The following ABCA12 variants were observed in gnomAD, a reference collection of about 807,000 sequenced individuals.
ABCA12 encodes glucosylceramide transporter ABCA12.
A neutral mutation model predicts 293.5 loss-of-function variants in ABCA12; 156 were observed. The observed-to-expected ratio is 0.53, with a 90% CI of 0.47 to 0.61. The LOEUF (loss-of-function observed/expected upper bound fraction) is 0.61. ABCA12 is among the 20% of genes least tolerant of loss of function. The pLI is 0.00. For missense variants in ABCA12, 2,797 were observed against 3,090.2 expected, an observed-to-expected ratio of 0.91 and a Z score of 2.25; for synonymous variants, 1,063 against 1,108.0, an observed-to-expected ratio of 0.96 and a Z score of 0.81.
intron 39 of ABCA12, 63 bp downstream of exon 39, chr2:214,966,785 G>A (rs1037901263): frequency 2.8e-6 from 4 of 1,443,468 alleles, no homozygotes; most frequent in African/African-American, 2.8e-5. Context: ...GATATAAAGT[G>A]CATTTTTATA....
chr2:215,110,760 T>C (rs1702556498), intron 2 of ABCA12, among the ~76,000 whole-genome samples: 1 of 152,216 alleles, frequency 6.6e-6, no homozygotes, highest in African/African-American at 2.4e-5. Flanking sequence ...TAATTCAGGA[T>C]TGTCTTCTTT....
intron 50 of ABCA12, 21 bp downstream of exon 50, chr2:214,942,904 A>C (rs1461319934): frequency 6.3e-7 from 1 of 1,598,236 alleles, no homozygotes; most frequent in Admixed American, 1.7e-5. Context: ...CTATCTGTTA[A>C]GCAATGCATT....
intron 37 of ABCA12, 106 bp downstream of exon 37, chr2:214,970,167 C>A: frequency 8.8e-7 from 1 of 1,138,446 alleles, no homozygotes; most frequent in Non-Finnish European, 1.2e-6. Context: ...GAGAATTTAA[C>A]CATGTAAAAT....
chr2:215,022,346 C>T (rs1700648867), intron 11 of ABCA12: 1 of 152,148 alleles, frequency 6.6e-6, no homozygotes, highest in South Asian at 2.1e-4. Flanking sequence ...AGGCTTGGTT[C>T]TCTGAAATAA....
In ABCA12 at chr2:215,019,524, C is replaced by A. The variant is rs770335368; in HGVS notation, c.1544+16G>T. 1.2e-6 allele frequency: 2 copies of A among 1,614,134 alleles called. No individual in the cohort carries two copies. Among genetic ancestry groups the A allele is most frequent in the Non-Finnish European group, 1.7e-6 (2 of 1,179,990 alleles). ...AAAGAGATTTCACCAAGGAAGAAGA[C>A]AATGGAAAAACTTACTGATCCATAT... is the stretch of plus-strand genomic sequence containing the variant. On this transcript the variant is annotated intron_variant, in intron 12 of 52. Transcript: ENST00000272895.
intron 2 of ABCA12, among the ~76,000 whole-genome samples, chr2:215,096,890 A>G (rs1212008804): frequency 6.6e-6 from 1 of 152,034 alleles, no homozygotes; most frequent in Non-Finnish European, 1.5e-5. Context: ...GTCTAATTTT[A>G]TAGATTCAAA....
chr2:215,086,955 A>ATTATTATTATTT (rs1702052992), intron 2 of ABCA12, among the ~76,000 whole-genome samples: 1 of 150,158 alleles, frequency 6.7e-6, no homozygotes, highest in African/African-American at 2.5e-5. Context: ...TATTATTATT[A>ATTATTATTATTT]TTTTATGACA....
At chr2:214,960,949 GA>G (rs1699095208) in intron 39 of ABCA12, among the ~76,000 whole-genome samples, 1 of 152,054 alleles carries the variant, frequency 6.6e-6, no homozygotes, top group Admixed American at 6.6e-5. Context: ...CTAATTAAAA[GA>G]TTTTTATTAG....
chr2:215,083,783 C>T (rs946844457), intron 2 of ABCA12, among the ~76,000 whole-genome samples: 5 of 152,140 alleles, frequency 3.3e-5, no homozygotes, highest in Non-Finnish European at 7.3e-5. Flanking sequence ...ATTCAATTCA[C>T]TGAAAAGCTA....
intron 3 of ABCA12, 91 bp downstream of exon 3, chr2:215,063,975 T>C: frequency 1.3e-6 from 2 of 1,540,772 alleles, no homozygotes; most frequent in East Asian, 2.3e-5. Context: ...CAAAATTGCA[T>C]ATCTAAGCTT....
chr2:215,059,361 A>G (rs1394038163), intron 3 of ABCA12, among the ~76,000 whole-genome samples: 1 of 152,082 alleles, frequency 6.6e-6, no homozygotes, highest in Non-Finnish European at 1.5e-5. Context: ...AGTCACCCAC[A>G]GGAGAATTTT....
chr2:214,970,233 T>A, intron 37 of ABCA12, 40 bp downstream of exon 37: 2 of 1,579,786 alleles, frequency 1.3e-6, no homozygotes, highest in Admixed American at 1.8e-5. Context: ...ACCATTAAAA[T>A]TAGCAAGCAA....
Position 214,952,210 on chromosome 2 carries a change from CT to C in ABCA12, c.6648-1128del, listed in dbSNP as rs202197627. Among the ~76,000 whole-genome samples, 9 of 132,276 alleles carry C rather than the reference CT, an allele frequency of 6.8e-5. No individual in the cohort carries two copies. The South Asian group carries it at 1.7e-3, about 25-fold the overall frequency. 86.8% of individuals were successfully genotyped at this position (132,276 alleles called of 152,430 possible). A position where few individuals can be genotyped will look rare whatever the true frequency, so the allele number is the denominator to read the frequency against. ...GTCAGTCTCCAAATACTGGAAATGC[CT>C]TTTTTTTGTTGTTTTTTTTTTTTTT... On this transcript the variant is annotated intron_variant, in intron 44 of 52. Transcript: ENST00000272895.
At chr2:215,016,460 G>A (rs993529152) in intron 14 of ABCA12, among the ~76,000 whole-genome samples, 36 of 150,908 alleles carry the variant, frequency 2.4e-4, no homozygotes, top group Admixed American at 7.3e-4. Context: ...GCGGGTGCCT[G>A]TAGTCCCAGC....
rs767031878 is a variant in ABCA12 at position 214,982,334 on chromosome 2, T to A, written c.4432A>T (p.Thr1478Ser). ...LYSHRHKRVG[T>S]LSGGMKRKLS... The stretch of plus-strand genomic sequence containing the variant: ...TTCCTCTTCATGCCTCCTGACAGTG[T>A]TCCAACTCTCTTATGACGATGGCTA... The change falls in exon 30 of 53, where the codon ACA (threonine) becomes TCA (serine). Residue 1478 changes from threonine (T) to serine (S), a missense_variant. This residue lies in a region of ABCA12 where 2,130 missense variants were observed against 2,427.0 expected (regional missense o/e 0.88). Transcript: ENST00000272895. The A allele has an allele frequency of 1.9e-6, 3 of 1,614,142 alleles. No individual in the cohort carries two copies. The highest frequency in any genetic ancestry group is 8.5e-7 in the Non-Finnish European group (1 of 1,179,992).
intron 15 of ABCA12, among the ~76,000 whole-genome samples, chr2:215,012,539 A>G (rs1700400953): frequency 6.6e-6 from 1 of 152,224 alleles, no homozygotes; most frequent in Non-Finnish European, 1.5e-5. Context: ...AGGCAAAAAG[A>G]CCACATATTT....
chr2:214,931,578 G>GACAAACAA lies in ABCA12; in HGVS notation c.*1055_*1056insTTGTTTGT, dbSNP rs71399158. 5 of 152,254 alleles carry GACAAACAA rather than the reference G, an allele frequency of 3.3e-5. No individual in the cohort carries two copies. The South Asian group carries it at 8.3e-4, about 25-fold the overall frequency. The allele number at this position is 152,254 out of a possible 1,614,324, so 9.4% of individuals were successfully genotyped here. A position where few individuals can be genotyped will look rare whatever the true frequency, so the allele number is the denominator to read the frequency against. ...AAACTTTGAGTTTATTGGTTTTCGA[G>GACAAACAA]ACAAACAGTCATGCCAAAGCTGACA... On this transcript the variant is annotated 3_prime_UTR_variant, in exon 53 of 53. Coordinates refer to ENST00000272895, the MANE Select transcript of ABCA12 (RefSeq NM_173076.3).
At chr2:214,961,870 G>A (rs1049075133) in intron 39 of ABCA12, 1 of 152,156 alleles carries the variant, frequency 6.6e-6, no homozygotes, top group Non-Finnish European at 1.5e-5. Context: ...GACTCCTCAA[G>A]ATCCTGTTGC....
intron 1 of ABCA12, among the ~76,000 whole-genome samples, chr2:215,130,937 T>G (rs1299884928): frequency 1.2e-5 from 1 of 86,302 alleles, no homozygotes; most frequent in African/African-American, 7.6e-5. Context: ...CTGCTGAGGG[T>G]TTTTTTTTTA....
Sources: allele counts gnomAD v4.1 joint callset (sites outside exome capture counted in the v4.1 genomes callset), GRCh38; gene constraint gnomAD v4.1.1; regional missense constraint gnomAD v4.1.1; transcripts MANE v1.5; gene names NCBI Gene and HGNC (gene_info 2026-07-23, HGNC 2026-07-21).